NR6A1: variants seen among roughly 807,000 people sequenced by gnomAD.
NR6A1 encodes the protein nuclear receptor subfamily 6 group A member 1.
In NR6A1, 7 loss-of-function variants were observed where a neutral mutation model predicts 59.1. The observed-to-expected ratio is 0.12, with a 90% CI of 0.07 to 0.22. The LOEUF (loss-of-function observed/expected upper bound fraction) is 0.22. Ranked by LOEUF, NR6A1 falls within the 10% of genes least tolerant of loss-of-function variation. NR6A1 has a pLI of 1.00. For synonymous variants in NR6A1, 243 were observed against 236.1 expected (o/e 1.03, Z -0.27); for missense variants, 468 against 611.6 (o/e 0.77, Z 2.48).
At chr9:124,632,567 T>G (rs1485476958) in intron 2 of NR6A1, among the ~76,000 whole-genome samples, 2 of 152,222 alleles carry the variant, frequency 1.3e-5, no homozygotes, top group Non-Finnish European at 2.9e-5. Context: ...ATTAGACCTT[T>G]GTCAGATTAC....
intron 2 of NR6A1, among the ~76,000 whole-genome samples, chr9:124,660,591 G>C (rs1200616500): frequency 1.3e-5 from 2 of 150,260 alleles, no homozygotes; most frequent in Non-Finnish European, 2.9e-5. Flanking sequence ...AGAAAGATGG[G>C]GGATTCAGAG....
intron 2 of NR6A1, among the ~76,000 whole-genome samples, chr9:124,637,525 A>G (rs112275415): frequency 3.9e-5 from 6 of 152,194 alleles, no homozygotes; most frequent in African/African-American, 1.4e-4. Flanking sequence ...GCAAGAAAAA[A>G]AGACTCAAGA....
chr9:124,583,240 TC>T (rs1206789223), intron 2 of NR6A1, among the ~76,000 whole-genome samples: 1 of 151,870 alleles, frequency 6.6e-6, no homozygotes, highest in Non-Finnish European at 1.5e-5. Context: ...ATTTTTCCAT[TC>T]ATTAAGAAAA....
rs1837463181 is a variant in NR6A1 at position 124,662,262 on chromosome 9, A to G, written c.142+71046T>C. On this transcript the variant is annotated intron_variant, in intron 2 of 9. Transcript: ENST00000487099. ...AAAAACTTCTTCCTAAACATATGAGACAATTAATTCAATAGTTTCATGGTA... is the reference window on the plus strand; with the variant it reads ...AAAAACTTCTTCCTAAACATATGAGGCAATTAATTCAATAGTTTCATGGTA... 2.6e-5 allele frequency among the ~76,000 whole-genome samples: 4 copies of G among 152,162 alleles called. No individual in the cohort carries two copies. In the South Asian group the frequency reaches 8.3e-4, roughly 32 times the overall value.
intron 2 of NR6A1, among the ~76,000 whole-genome samples, chr9:124,612,780 TTTTCTTTCTTTCTTTTCTTTCTTTC>T (rs1047621539): frequency 4.8e-5 from 7 of 144,754 alleles, no homozygotes; most frequent in African/African-American, 7.5e-5. Flanking sequence ...TAGTTTGGGT[TTTTCTTTCTTTCTTTTCTTTCTTTC>T]TTTCTTTCTT....
intron 2 of NR6A1, among the ~76,000 whole-genome samples, chr9:124,614,945 C>A (rs1174077515): frequency 1.3e-5 from 2 of 152,138 alleles, no homozygotes; most frequent in African/African-American, 4.8e-5. Context: ...CCTTGTGGTC[C>A]CAGTGATATA....
intron 2 of NR6A1, among the ~76,000 whole-genome samples, chr9:124,655,792 T>C (rs1296572721): frequency 6.6e-6 from 1 of 152,208 alleles, no homozygotes; most frequent in Admixed American, 6.5e-5. Flanking sequence ...AAAGAGCTTC[T>C]GAGATGGGTC....
intron 6 of NR6A1, among the ~76,000 whole-genome samples, chr9:124,536,938 C>G (rs1170697518): frequency 1.3e-5 from 2 of 152,244 alleles, no homozygotes; most frequent in Non-Finnish European, 2.9e-5. Context: ...ACCAGCATTG[C>G]TCAGCCTTTC....
intron 2 of NR6A1, among the ~76,000 whole-genome samples, chr9:124,587,331 C>A: frequency 6.6e-6 from 1 of 152,108 alleles, no homozygotes. Flanking sequence ...GAACCAAACT[C>A]GCAATATCTC....
intron 1 of NR6A1, among the ~76,000 whole-genome samples, chr9:124,754,981 C>T (rs1840596960): frequency 6.6e-6 from 1 of 152,122 alleles, no homozygotes; most frequent in South Asian, 2.1e-4. Context: ...TAAAAAATCA[C>T]AAGAATAGAC....
intron 7 of NR6A1, among the ~76,000 whole-genome samples, chr9:124,533,447 G>C (rs1386888905): frequency 6.6e-6 from 1 of 152,264 alleles, no homozygotes; most frequent in Admixed American, 6.5e-5. Context: ...GGAAATATTA[G>C]AAAACAAGTA....
At chr9:124,547,501 T>C (rs1229094314) in intron 3 of NR6A1, among the ~76,000 whole-genome samples, 1 of 152,218 alleles carries the variant, frequency 6.6e-6, no homozygotes, top group Non-Finnish European at 1.5e-5. Flanking sequence ...TCTCTGCATA[T>C]GTTGCCTGTA....
At chr9:124,649,732 T>C (rs929415716) in intron 2 of NR6A1, among the ~76,000 whole-genome samples, 2 of 151,972 alleles carry the variant, frequency 1.3e-5, no homozygotes, top group African/African-American at 2.4e-5. Context: ...TAACTAAATA[T>C]ACACGGAACT....
intron 2 of NR6A1, chr9:124,598,679 G>T: frequency 2.2e-6 from 1 of 450,016 alleles, no homozygotes; most frequent in Non-Finnish European, 3.8e-6. Flanking sequence ...ACAAGGAAGG[G>T]AAAGAGAGGA....
At chr9:124,753,418 ATGT>A (rs1372268502) in intron 1 of NR6A1, among the ~76,000 whole-genome samples, 1 of 152,248 alleles carries the variant, frequency 6.6e-6, no homozygotes, top group Non-Finnish European at 1.5e-5. Context: ...GGGTTGCAGA[ATGT>A]TAACTATTCA....
At chr9:124,765,764 T>TTTCTACAAAGC (rs747671857) in intron 1 of NR6A1, among the ~76,000 whole-genome samples, 281 of 152,310 alleles carry the variant, frequency 1.8e-3, no homozygotes, top group Non-Finnish European at 3.6e-3. Context: ...AACTCTGGGT[T>TTTCTACAAAGC]TTTTTGAGAA....
chr9:124,609,956 T>C (rs1835692231), intron 2 of NR6A1, among the ~76,000 whole-genome samples: 1 of 152,244 alleles, frequency 6.6e-6, no homozygotes, highest in Non-Finnish European at 1.5e-5. Context: ...TGCACATTGA[T>C]TTTGTATCCT....
At chr9:124,533,235 T>A (rs1405890841) in intron 7 of NR6A1, among the ~76,000 whole-genome samples, 1 of 152,236 alleles carries the variant, frequency 6.6e-6, no homozygotes, top group Non-Finnish European at 1.5e-5. Context: ...CAGAGCAGGC[T>A]GACTGCTATC....
intron 2 of NR6A1, among the ~76,000 whole-genome samples, chr9:124,652,615 T>G (rs546051726): frequency 2.3e-4 from 35 of 152,340 alleles, no homozygotes; most frequent in African/African-American, 8.4e-4. Flanking sequence ...ACATCATTCC[T>G]TCTTTCCATA....
Sources: allele counts gnomAD v4.1 joint callset (sites outside exome capture counted in the v4.1 genomes callset), GRCh38; gene constraint gnomAD v4.1.1; transcripts MANE v1.5; gene names NCBI Gene and HGNC (gene_info 2026-07-23, HGNC 2026-07-21).